NAP1L1: variants seen among roughly 807,000 people sequenced by gnomAD.
The protein encoded by NAP1L1 is nucleosome assembly protein 1-like 1.
A neutral mutation model predicts 58.9 loss-of-function variants in NAP1L1; 9 were observed. That is an observed-to-expected ratio of 0.15 (90% confidence interval 0.09 to 0.27). NAP1L1 has a LOEUF of 0.27. Among genes scored for constraint, NAP1L1 ranks in the 10% least tolerant of loss-of-function variants. The probability of loss-of-function intolerance (pLI) is 1.00; values close to 1 mark genes in which losing one functional copy is unlikely to be tolerated. For synonymous variants in NAP1L1, 130 were observed against 138.3 expected, an observed-to-expected ratio of 0.94 and a Z score of 0.42; for missense variants, 302 against 458.8, an observed-to-expected ratio of 0.66 and a Z score of 3.12.
Position 76,049,789 on chromosome 12 carries a change from A to T in NAP1L1, c.1060-4T>A. The T allele has an allele frequency of 6.2e-7, 1 of 1,612,822 alleles. No individual in the cohort carries two copies. The highest frequency in any genetic ancestry group is 8.5e-7 in the Non-Finnish European group (1 of 1,179,422). ...CTTCTTCACCTTCTTCATCATACTG[A>T]AAAGGAAAAACAGCGTTAAGTGTTG... is the stretch of plus-strand genomic sequence containing the variant. On this transcript the variant is annotated splice_region_variant and splice_polypyrimidine_tract_variant and intron_variant, in intron 12 of 14. Coordinates refer to ENST00000618691, the MANE Select transcript of NAP1L1 (RefSeq NM_004537.7).
intron 2 of NAP1L1, among the ~76,000 whole-genome samples, chr12:76,070,050 T>C (rs1457612204): frequency 6.6e-6 from 1 of 151,894 alleles, no homozygotes. Context: ...TTCATGCAAG[T>C]ACAGAAAAAA....
In NAP1L1 at chr12:76,039,349, G is replaced by C. The variant is rs984508146; in HGVS notation, c.*9080C>G. The stretch of plus-strand genomic sequence containing the variant: ...ATGTATAGAGCCCCAGCAACCACTT[G>C]ATAATAAACCAACTTGCCAAAGACA... On this transcript the variant is annotated 3_prime_UTR_variant, in exon 15 of 15. Coordinates refer to ENST00000618691, the MANE Select transcript of NAP1L1 (RefSeq NM_004537.7). 1.3e-5 allele frequency: 2 copies of C among 152,186 alleles called. No homozygotes were observed. Among genetic ancestry groups the C allele is most frequent in the African/African-American group, 4.8e-5 (2 of 41,422 alleles). 9.4% of individuals were successfully genotyped at this position (152,186 alleles called of 1,614,324 possible).
At chr12:76,084,408 C>T (rs1950534200) in intron 1 of NAP1L1, among the ~76,000 whole-genome samples, 159 bp downstream of exon 1, 1 of 152,114 alleles carries the variant, frequency 6.6e-6, no homozygotes, top group Admixed American at 6.5e-5. Flanking sequence ...CCGGACTCCG[C>T]GGTCCTGTCC....
chr12:76,074,366 T>G (rs2137085833), intron 1 of NAP1L1, 127 bp from the exon 2 acceptor site: 2 of 1,342,938 alleles, frequency 1.5e-6, no homozygotes, highest in Non-Finnish European at 1.9e-6. Context: ...TCCTTTAAAA[T>G]ACTATCAGTG....
In NAP1L1 at chr12:76,047,303, G is replaced by C. The variant is rs1469599672; in HGVS notation, c.*1126C>G. ...GGTAAGTGACATACTCATACTTTAA[G>C]CAATAAGAATTAGAAGAAACCATAG... On this transcript the variant is annotated 3_prime_UTR_variant, in exon 15 of 15. Transcript: ENST00000618691. The C allele has an allele frequency of 6.6e-6, 1 of 151,674 alleles. No homozygotes were observed. Among genetic ancestry groups the C allele is most frequent in the East Asian group, 1.9e-4 (1 of 5,180 alleles). 9.4% of individuals were successfully genotyped at this position (151,674 alleles called of 1,614,324 possible). A position where few individuals can be genotyped will look rare whatever the true frequency, so the allele number is the denominator to read the frequency against.
intron 13 of NAP1L1, 22 bp downstream of exon 13, chr12:76,049,734 T>C (rs1948733863): frequency 1.2e-6 from 2 of 1,611,950 alleles, no homozygotes; most frequent in Non-Finnish European, 1.7e-6. Flanking sequence ...AGAGAATTAT[T>C]TGCTCATTTG....
intron 4 of NAP1L1, among the ~76,000 whole-genome samples, chr12:76,061,674 G>A (rs1438962846): frequency 6.6e-6 from 1 of 152,122 alleles, no homozygotes; most frequent in African/African-American, 2.4e-5. Context: ...TAACTTCAGG[G>A]AATCTGTGCA....
chr12:76,067,474 C>CT lies in NAP1L1; in HGVS notation c.104-2dup. 1.9e-6 allele frequency: 3 copies of CT among 1,551,252 alleles called. No homozygotes were observed. Among genetic ancestry groups the CT allele is most frequent in the East Asian group, 2.3e-5 (1 of 43,366 alleles). ...ATCATCTGAACAGTTAGCTGACGTG[C>CT]TTTAAAAAAAAAAGGGCATCGAAAG... is the stretch of plus-strand genomic sequence containing the variant. On this transcript the variant is annotated splice_acceptor_variant, in intron 3 of 14. Coordinates refer to ENST00000618691, the MANE Select transcript of NAP1L1 (RefSeq NM_004537.7). LOFTEE classifies it high-confidence loss of function.
intron 6 of NAP1L1, among the ~76,000 whole-genome samples, chr12:76,058,327 G>C (rs1186471922): frequency 2.0e-5 from 3 of 150,732 alleles, no homozygotes; most frequent in African/African-American, 7.3e-5. Context: ...AAACAGGAGA[G>C]ACTGTCATGC....
In NAP1L1 at chr12:76,044,759, T is replaced by C. The variant is rs1948582609; in HGVS notation, c.*3670A>G. ...GAAACACAAGATACAAAGCATACTG[T>C]ATTTTTGAAAATATACATCAATCAA... On this transcript the variant is annotated 3_prime_UTR_variant, in exon 15 of 15. Transcript: ENST00000618691. The C allele has an allele frequency of 6.6e-6, 1 of 152,256 alleles. No individual in the cohort carries two copies. Among genetic ancestry groups the C allele is most frequent in the African/African-American group, 2.4e-5 (1 of 41,478 alleles). The allele number at this position is 152,256 out of a possible 1,614,324, so 9.4% of individuals were successfully genotyped here.
At chr12:76,069,033 C>A in intron 2 of NAP1L1, 39 bp from the exon 3 acceptor site, 1 of 1,396,346 alleles carries the variant, frequency 7.2e-7, no homozygotes, top group Non-Finnish European at 9.9e-7. Flanking sequence ...TCAAATGTAC[C>A]AATTACCAAA....
At chr12:76,055,624 G>A (rs1165246397) in intron 7 of NAP1L1, among the ~76,000 whole-genome samples, 2 of 152,214 alleles carry the variant, frequency 1.3e-5, no homozygotes. Context: ...TGGTTTGCCA[G>A]AGAATGTAAC....
intron 6 of NAP1L1, chr12:76,057,932 G>C: frequency 8.9e-7 from 1 of 1,120,976 alleles, no homozygotes; most frequent in Non-Finnish European, 1.3e-6. Context: ...AAGGGTTGTG[G>C]CCTTGTAACT....
chr12:76,056,882 G>C (rs1008177642), intron 6 of NAP1L1: 8 of 296,408 alleles, frequency 2.7e-5, no homozygotes, highest in African/African-American at 1.6e-4. Flanking sequence ...GCATGGTGGC[G>C]CACGCCTGTT....
Position 76,060,179 on chromosome 12 carries a change from C to T in NAP1L1, c.307G>A (p.Glu103Lys). Reference protein sequence around the residue: ...AKFYEEVHDLERKYAVLYQPL... With the variant: ...AKFYEEVHDLKRKYAVLYQPL... ...TGATAGAGAACAGCATACTTCCTTTCAAGATCGTGAACTTCCTCATAGAAT... is the reference window on the plus strand; with the variant it reads ...TGATAGAGAACAGCATACTTCCTTTTAAGATCGTGAACTTCCTCATAGAAT... The change falls in exon 5 of 15, where the codon GAA becomes AAA. Residue 103 changes from glutamate to lysine, a missense_variant. By Grantham distance (56) the Glu-to-Lys change is moderately conservative (BLOSUM62 1). Transcript: ENST00000618691. The T allele has an allele frequency of 1.2e-6, 2 of 1,613,466 alleles. No homozygotes were observed. Among genetic ancestry groups the T allele is most frequent in the Non-Finnish European group, 1.7e-6 (2 of 1,179,634 alleles).
In NAP1L1 at chr12:76,041,211, G is replaced by A. The variant is rs1289805499; in HGVS notation, c.*7218C>T. On this transcript the variant is annotated 3_prime_UTR_variant, in exon 15 of 15. Transcript: ENST00000618691. ...CAGGATTATGGTTGGTACATTGAAT[G>A]GGTCTAGATAAATCCTAACTGACCT... 2.0e-5 allele frequency: 3 copies of A among 152,178 alleles called. No individual in the cohort carries two copies. Among genetic ancestry groups the A allele is most frequent in the Non-Finnish European group, 4.4e-5 (3 of 68,032 alleles). 9.4% of individuals were successfully genotyped at this position (152,178 alleles called of 1,614,324 possible). A position where few individuals can be genotyped will look rare whatever the true frequency, so the allele number is the denominator to read the frequency against.
intron 1 of NAP1L1, among the ~76,000 whole-genome samples, chr12:76,081,596 T>G (rs1052674098): frequency 6.6e-6 from 1 of 152,112 alleles, no homozygotes. Context: ...TAACCCTGTT[T>G]CCCAATAAAA....
Position 76,043,774 on chromosome 12 carries a change from C to T in NAP1L1, c.*4655G>A, listed in dbSNP as rs1031057866. On this transcript the variant is annotated 3_prime_UTR_variant, in exon 15 of 15. Coordinates refer to ENST00000618691, the MANE Select transcript of NAP1L1 (RefSeq NM_004537.7). ...CACTTCACAAATTCCTACAGATTCT[C>T]AAAATCTCAGCTAAAAGCTCATACA... 6.6e-6 allele frequency: 1 copy of T among 152,150 alleles called. No homozygotes were observed. The highest frequency in any genetic ancestry group is 1.9e-4 in the East Asian group (1 of 5,180). 9.4% of individuals were successfully genotyped at this position (152,150 alleles called of 1,614,324 possible).
chr12:76,063,193 T>C (rs370432408), intron 4 of NAP1L1, among the ~76,000 whole-genome samples: 1 of 152,188 alleles, frequency 6.6e-6, no homozygotes, highest in Non-Finnish European at 1.5e-5. Context: ...GTCAAATATC[T>C]TGGTAAATTT....
Sources: gnomAD v4.1 joint callset for allele counts (sites outside exome capture counted in the v4.1 genomes callset) on GRCh38, gnomAD v4.1.1 for gene constraint, MANE v1.5 for transcripts, NCBI Gene and HGNC (gene_info 2026-07-23, HGNC 2026-07-21) for gene names.